The following SLC2A9 variants were observed in gnomAD, a reference collection of about 807,000 sequenced individuals.
The protein encoded by SLC2A9 is solute carrier family 2, facilitated glucose transporter member 9.
A neutral mutation model predicts 50.6 loss-of-function variants in SLC2A9; 39 were observed. The observed-to-expected ratio is 0.77, with a 90% CI of 0.60 to 1.01. The LOEUF is 1.01. SLC2A9 is among the 50% of genes least tolerant of loss of function. The pLI, the probability that SLC2A9 is intolerant of heterozygous loss-of-function variation, is 0.00. For synonymous variants in SLC2A9, 324 were observed against 276.9 expected, an observed-to-expected ratio of 1.17 and a Z score of -1.69; for missense variants, 686 against 677.6, an observed-to-expected ratio of 1.01 and a Z score of -0.14.
At chr4:9,778,048 CTTT>C (rs1215377318), downstream of SLC2A9, among the ~76,000 whole-genome samples, 28 of 23,772 alleles carry the variant, frequency 1.2e-3, no homozygotes, top group Admixed American at 3.2e-3. Flanking sequence ...TTCTTTCTTT[CTTT>C]CTTTCCTTCC....
At chr4:9,797,931 C>T (rs1720783834), downstream of SLC2A9, among the ~76,000 whole-genome samples, 1 of 152,234 alleles carries the variant, frequency 6.6e-6, no homozygotes, top group Non-Finnish European at 1.5e-5. Flanking sequence ...TATTCCACCT[C>T]CACAGTCCCC....
chr4:9,928,710 G>C (rs1021511345), intron 6 of SLC2A9, among the ~76,000 whole-genome samples: 1 of 152,074 alleles, frequency 6.6e-6, no homozygotes, highest in Non-Finnish European at 1.5e-5. Flanking sequence ...CTCCCGCCTG[G>C]GTGACAGAGC....
At chr4:9,798,094 T>C (rs1044719692), downstream of SLC2A9, among the ~76,000 whole-genome samples, 4 of 152,188 alleles carry the variant, frequency 2.6e-5, no homozygotes, top group Non-Finnish European at 2.9e-5. Context: ...CCCTCTTTGG[T>C]CCTTTGGAGG....
At chr4:10,006,912 C>G (rs994311610) in intron 2 of SLC2A9, among the ~76,000 whole-genome samples, 1 of 151,988 alleles carries the variant, frequency 6.6e-6, no homozygotes, top group Non-Finnish European at 1.5e-5. Context: ...CCCTGGACTC[C>G]AAGTCTCTAA....
chr4:9,939,955 G>A (rs1296416074), intron 6 of SLC2A9, among the ~76,000 whole-genome samples: 2 of 152,054 alleles, frequency 1.3e-5, no homozygotes, highest in African/African-American at 4.8e-5. Context: ...TCTTTTTATA[G>A]AGTGCACATG....
At chr4:9,799,693 C>CA (rs1721088159) in intron 3 of SLC2A9, among the ~76,000 whole-genome samples, 3 of 9,578 alleles carry the variant, frequency 3.1e-4, no homozygotes, top group African/African-American at 7.8e-4. Context: ...TCCAATTGTA[C>CA]CCCCCCCCCA....
At chr4:9,853,227 A>T (rs554026162) in intron 10 of SLC2A9, among the ~76,000 whole-genome samples, 39 of 151,974 alleles carry the variant, frequency 2.6e-4, no homozygotes, top group Non-Finnish European at 5.3e-4. Flanking sequence ...AAGAAGCCAG[A>T]CCCAACTATA....
chr4:9,897,082 G>A (rs565600646), intron 8 of SLC2A9, among the ~76,000 whole-genome samples: 22 of 152,188 alleles, frequency 1.4e-4, no homozygotes, highest in Non-Finnish European at 2.9e-4. Context: ...GAGGCTCAGA[G>A]AGGTTTAGCA....
chr4:9,962,686 C>A (rs879668248), intron 5 of SLC2A9, among the ~76,000 whole-genome samples: 1 of 152,090 alleles, frequency 6.6e-6, no homozygotes, highest in Non-Finnish European at 1.5e-5. Context: ...TGTAACAAAC[C>A]TGCACACCCT....
chr4:9,823,413 T>A (rs562334129), downstream of SLC2A9, among the ~76,000 whole-genome samples: 1 of 152,342 alleles, frequency 6.6e-6, no homozygotes, highest in South Asian at 2.1e-4. Context: ...CCATTATATT[T>A]GGGTATCTGG....
intron 5 of SLC2A9, among the ~76,000 whole-genome samples, chr4:9,945,775 A>G (rs1445803121): frequency 6.6e-6 from 1 of 152,016 alleles, no homozygotes. Flanking sequence ...CCCAACACAG[A>G]GCTGAGGCCT....
chr4:9,909,581 C>T (rs1369524810), intron 7 of SLC2A9, among the ~76,000 whole-genome samples: 1 of 152,206 alleles, frequency 6.6e-6, no homozygotes, highest in African/African-American at 2.4e-5. Context: ...GAGATTCCTA[C>T]TCCTCCCCAG....
At chr4:9,947,668 G>A (rs1395560194) in intron 5 of SLC2A9, among the ~76,000 whole-genome samples, 1 of 152,078 alleles carries the variant, frequency 6.6e-6, no homozygotes, top group Non-Finnish European at 1.5e-5. Flanking sequence ...CCAATCCAAA[G>A]TCTATACTCC....
At chr4:9,937,779 G>A (rs755468677) in intron 6 of SLC2A9, among the ~76,000 whole-genome samples, 27 of 152,306 alleles carry the variant, frequency 1.8e-4, no homozygotes, top group Non-Finnish European at 2.8e-4. Context: ...TGATCACCCC[G>A]TGGCCTCCTT....
At chr4:9,873,939 C>A (rs1056972565) in intron 10 of SLC2A9, among the ~76,000 whole-genome samples, 2 of 152,226 alleles carry the variant, frequency 1.3e-5, no homozygotes, top group Admixed American at 6.5e-5. Context: ...CCCTCCTCTG[C>A]AGACTTTTTA....
intron 5 of SLC2A9, among the ~76,000 whole-genome samples, chr4:9,947,477 T>C (rs1749402105): frequency 6.6e-6 from 1 of 152,174 alleles, no homozygotes; most frequent in African/African-American, 2.4e-5. Context: ...GGTTAGTGTA[T>C]TAATATTAAT....
intron 5 of SLC2A9, among the ~76,000 whole-genome samples, chr4:9,950,288 AAAT>A (rs1217591002): frequency 6.6e-6 from 1 of 152,220 alleles, no homozygotes; most frequent in Non-Finnish European, 1.5e-5. Flanking sequence ...TCTCTGTTGG[AAAT>A]AATAATGAGA....
intron 8 of SLC2A9, among the ~76,000 whole-genome samples, chr4:9,898,737 A>C (rs1311516108): frequency 6.6e-6 from 1 of 152,152 alleles, no homozygotes; most frequent in Non-Finnish European, 1.5e-5. Flanking sequence ...GATTGTGCGC[A>C]GGGGCCCTAG....
chr4:9,869,238 C>G (rs1309938946), intron 10 of SLC2A9, among the ~76,000 whole-genome samples: 1 of 152,200 alleles, frequency 6.6e-6, no homozygotes, highest in Non-Finnish European at 1.5e-5. Flanking sequence ...CCTCAGGTCT[C>G]AGCATCAACC....
Sources: gnomAD v4.1 joint callset for allele counts (sites outside exome capture counted in the v4.1 genomes callset) on GRCh38, gnomAD v4.1.1 for gene constraint, MANE v1.5 for transcripts, NCBI Gene and HGNC (gene_info 2026-07-23, HGNC 2026-07-21) for gene names.